RABGAP1: variants seen among roughly 807,000 people sequenced by gnomAD.
RABGAP1 encodes the protein rab GTPase-activating protein 1.
RABGAP1 carries 23 observed loss-of-function variants against 137.6 expected under a neutral mutation model. The observed-to-expected ratio is 0.17, with a 90% CI of 0.12 to 0.24. The LOEUF (loss-of-function observed/expected upper bound fraction) is 0.24, where lower values mean the gene tolerates loss of function less well. Ranked by LOEUF, RABGAP1 falls within the 10% of genes least tolerant of loss-of-function variation. The pLI is 1.00. For missense variants in RABGAP1, 906 were observed against 1,275.8 expected (o/e 0.71, Z 4.42); for synonymous variants, 451 against 450.7 (o/e 1.00, Z -0.01).
At position 123,070,598 on chromosome 9, in the gene RABGAP1, T is replaced by G. The variant is rs577859024; in HGVS notation, c.1983+174T>G. Among the ~76,000 whole-genome samples, 66 of 152,304 alleles carry G rather than the reference T, an allele frequency of 4.3e-4. No individual in the cohort carries two copies. Among genetic ancestry groups the G allele is most frequent in the African/African-American group, 1.2e-3 (48 of 41,554 alleles). On this transcript the variant is annotated intron_variant, in intron 15 of 25. Transcript: ENST00000373647. The surrounding 1 kb of genome is among the most constrained non-coding windows in gnomAD (Gnocchi z 4.4). Reference sequence around the variant, plus strand: ...TAACTTAATGTCATTGTGGAGGAGATATATGATGAGAATAAACGGCAATGT... The same window carrying G: ...TAACTTAATGTCATTGTGGAGGAGAGATATGATGAGAATAAACGGCAATGT...
At chr9:123,092,934 T>C (rs375430493) in intron 21 of RABGAP1, among the ~76,000 whole-genome samples, 2 of 152,266 alleles carry the variant, frequency 1.3e-5, no homozygotes, top group African/African-American at 4.8e-5. Context: ...CCAGGGCCCA[T>C]CCTGCAGTCA....
chr9:123,103,582 A>AATATAC lies in RABGAP1; in HGVS notation c.*375_*380dup, dbSNP rs2035404835. On this transcript the variant is annotated 3_prime_UTR_variant, in exon 26 of 26. Transcript: ENST00000373647. ...TTTTTTTTCTAAACCTTTTTTTTTT[A>AATATAC]ATATACATATATATATATATATATA... 11 of 38,108 alleles carry AATATAC rather than the reference A, an allele frequency of 2.9e-4. No homozygotes were observed. The highest frequency in any genetic ancestry group is 1.0e-3 in the East Asian group (1 of 990). The allele number at this position is 38,108 out of a possible 1,614,324, so 2.4% of individuals were successfully genotyped here.
intron 10 of RABGAP1, among the ~76,000 whole-genome samples, chr9:123,008,724 A>G (rs922676523): frequency 6.6e-6 from 1 of 152,188 alleles, no homozygotes; most frequent in African/African-American, 2.4e-5. Context: ...TGTATCAAAT[A>G]TTCTAATTCA....
chr9:123,066,427 G>C (rs977137275), intron 14 of RABGAP1, among the ~76,000 whole-genome samples: 1 of 152,146 alleles, frequency 6.6e-6, no homozygotes, highest in Non-Finnish European at 1.5e-5. Flanking sequence ...TATGTCCACT[G>C]CCTCTGGTCC....
intron 3 of RABGAP1, among the ~76,000 whole-genome samples, chr9:122,985,055 G>A (rs1057366281): frequency 1.4e-4 from 21 of 152,064 alleles, no homozygotes; most frequent in Non-Finnish European, 2.9e-4. Context: ...TTAGAGAAAT[G>A]GAGGGATAAT....
At chr9:122,942,165 AAAC>A (rs1389937457) in intron 1 of RABGAP1, among the ~76,000 whole-genome samples, 1 of 150,636 alleles carries the variant, frequency 6.6e-6, no homozygotes, top group Non-Finnish European at 1.5e-5. Context: ...CGGAAACAAA[AAAC>A]AAAACAAAAC....
At chr9:122,969,983 C>T (rs1418798492) in intron 2 of RABGAP1, among the ~76,000 whole-genome samples, 3 of 152,076 alleles carry the variant, frequency 2.0e-5, no homozygotes, top group Non-Finnish European at 4.4e-5. Context: ...TTCATTACAA[C>T]CTCAACCTCC....
intron 13 of RABGAP1, among the ~76,000 whole-genome samples, chr9:123,058,050 A>AGGGGAGGG (rs1554725446): frequency 5.8e-5 from 8 of 136,828 alleles, no homozygotes; most frequent in Non-Finnish European, 8.0e-5. Flanking sequence ...GTGGAAAGAG[A>AGGGGAGGG]GGGGAGAGGG....
chr9:122,969,048 G>A (rs531722768), intron 2 of RABGAP1, among the ~76,000 whole-genome samples: 2 of 152,320 alleles, frequency 1.3e-5, no homozygotes, highest in African/African-American at 4.8e-5. Flanking sequence ...GTCATGCACT[G>A]CATGACAGCA....
At position 123,058,313 on chromosome 9, in the gene RABGAP1, A is replaced by G. The variant is rs575111892; in HGVS notation, c.1795-7035A>G. On this transcript the variant is annotated intron_variant, in intron 13 of 25. Transcript: ENST00000373647. ...GCCAAATAATATGAAAAGATACAAT[A>G]TTTTGTAGTTAGCAAAAAAAAATTT... 1.4e-3 allele frequency among the ~76,000 whole-genome samples: 213 copies of G among 152,192 alleles called. 1 individual carries two copies. Among genetic ancestry groups the G allele is most frequent in the African/African-American group, 5.1e-3 (210 of 41,518 alleles).
intron 13 of RABGAP1, chr9:123,029,552 A>G (rs767395606): frequency 3.0e-5 from 23 of 769,020 alleles, no homozygotes; most frequent in Non-Finnish European, 3.6e-5. Flanking sequence ...AACTGGAGTT[A>G]TAAGTTTATA....
intron 10 of RABGAP1, among the ~76,000 whole-genome samples, chr9:123,002,264 G>T (rs7862983): frequency 8.7e-5 from 13 of 150,116 alleles, no homozygotes; most frequent in Non-Finnish European, 1.9e-4. Flanking sequence ...TCACACCATC[G>T]CACTCCAGCC....
intron 13 of RABGAP1, among the ~76,000 whole-genome samples, chr9:123,024,138 A>G (rs1052576183): frequency 2.5e-4 from 38 of 152,348 alleles, no homozygotes; most frequent in African/African-American, 8.9e-4. Context: ...TATTTCAATA[A>G]GCAATGGAGT....
chr9:123,007,796 A>G (rs2030433279), intron 10 of RABGAP1, among the ~76,000 whole-genome samples: 1 of 150,462 alleles, frequency 6.6e-6, no homozygotes, highest in Admixed American at 6.6e-5. Flanking sequence ...ATGTCTTTCC[A>G]TTTATTCAAG....
chr9:123,079,449 G>C (rs2034639122), intron 19 of RABGAP1, among the ~76,000 whole-genome samples: 1 of 151,950 alleles, frequency 6.6e-6, no homozygotes, highest in African/African-American at 2.4e-5. Flanking sequence ...ATGTTGGCCA[G>C]GCTGGTCTCA....
chr9:123,084,351 A>C (rs925524534), intron 19 of RABGAP1, among the ~76,000 whole-genome samples: 1 of 152,212 alleles, frequency 6.6e-6, no homozygotes, highest in Non-Finnish European at 1.5e-5. Flanking sequence ...GTCCTACCAC[A>C]TGAAGCAATG....
At position 123,065,336 on chromosome 9, in the gene RABGAP1, A is replaced by AT. The variant is rs1351541468; in HGVS notation, c.1795-11dup. 2 of 1,564,472 alleles carry AT rather than the reference A, an allele frequency of 1.3e-6. No homozygotes were observed. The highest frequency in any genetic ancestry group is 1.8e-6 in the Non-Finnish European group (2 of 1,140,526). On this transcript the variant is annotated splice_polypyrimidine_tract_variant and intron_variant, in intron 13 of 25. Transcript: ENST00000373647. ...ACCTAACTAAACCCTCTCTTTCCTT[A>AT]TGTTTCCACAGGAGTCTCCCCAGGA...
In RABGAP1 at chr9:123,078,927, AC is replaced by A. The variant is rs1396707519; in HGVS notation, c.2424+2166del. ...CGCATGTCTCCTTTGCTGAAAACTCACGTTTCCACCATCCAGAGGCATCCTG... is the reference window on the plus strand; with the variant it reads ...CGCATGTCTCCTTTGCTGAAAACTCAGTTTCCACCATCCAGAGGCATCCTG... On this transcript the variant is annotated intron_variant, in intron 19 of 25. Coordinates refer to ENST00000373647, the MANE Select transcript of RABGAP1 (RefSeq NM_012197.4). Among the ~76,000 whole-genome samples the A allele has an allele frequency of 3.9e-5, 6 of 152,200 alleles. No individual in the cohort carries two copies. In the East Asian group the frequency reaches 9.7e-4, roughly 24 times the overall value.
At chr9:123,035,821 A>G in intron 13 of RABGAP1, 1 of 495,016 alleles carries the variant, frequency 2.0e-6, no homozygotes, top group Non-Finnish European at 3.5e-6. Context: ...TGTGAATTAG[A>G]AGACTCAAGA....
Sources: allele counts gnomAD v4.1 joint callset (sites outside exome capture counted in the v4.1 genomes callset), GRCh38; gene constraint gnomAD v4.1.1; non-coding constraint Gnocchi (gnomAD v3.1); transcripts MANE v1.5; gene names NCBI Gene and HGNC (gene_info 2026-07-23, HGNC 2026-07-21).